The following GLIS3 variants were observed in gnomAD, a reference collection of about 807,000 sequenced individuals.
GLIS3 encodes GLIS family zinc finger 3.
A neutral mutation model predicts 78.6 loss-of-function variants in GLIS3; 53 were observed. The observed-to-expected ratio is 0.67, with a 90% CI of 0.54 to 0.85. GLIS3 has a LOEUF of 0.85. Ranked by LOEUF, GLIS3 falls within the 40% of genes least tolerant of loss-of-function variation. The pLI is 0.00. For missense variants in GLIS3, 1,703 were observed against 1,231.1 expected (o/e 1.38, Z -5.74); for synonymous variants, 684 against 509.9 (o/e 1.34, Z -4.60).
In GLIS3 at chr9:4,116,466, T is replaced by G. The variant is rs1299920953; in HGVS notation, c.1710+1302A>C. On this transcript the variant is annotated intron_variant, in intron 4 of 10. Transcript: ENST00000381971. The stretch of plus-strand genomic sequence containing the variant: ...GTTTTCCTTGAGAAAAATCACAATG[T>G]GGTGCATAGCGTTGTGACAAGAAAT... Among the ~76,000 whole-genome samples, 3 of 152,378 alleles carry G rather than the reference T, an allele frequency of 2.0e-5. No individual in the cohort carries two copies. In the East Asian group the frequency reaches 5.8e-4, roughly 29 times the overall value.
Position 4,051,629 on chromosome 9 carries a change from A to G in GLIS3, c.1710+66139T>C, listed in dbSNP as rs183502663. Among the ~76,000 whole-genome samples, 37 of 152,334 alleles carry G rather than the reference A, an allele frequency of 2.4e-4. 1 individual carries two copies. Among genetic ancestry groups the G allele is most frequent in the Admixed American group, 1.6e-3 (24 of 15,288 alleles). On this transcript the variant is annotated intron_variant, in intron 4 of 10. Coordinates refer to ENST00000381971, the MANE Select transcript of GLIS3 (RefSeq NM_001042413.2). The stretch of plus-strand genomic sequence containing the variant: ...AGACTTGAGAAACTAAATGCATATT[A>G]TTTGAAAACTGAGTTTTGTTTGTTT...
chr9:4,167,627 A>C (rs1815983865), intron 2 of GLIS3, among the ~76,000 whole-genome samples: 1 of 152,204 alleles, frequency 6.6e-6, no homozygotes, highest in South Asian at 2.1e-4. Flanking sequence ...GAGGATTAGA[A>C]AGATTAAAAA....
At chr9:4,062,257 A>G (rs1826717023) in intron 4 of GLIS3, among the ~76,000 whole-genome samples, 1 of 152,190 alleles carries the variant, frequency 6.6e-6, no homozygotes, top group East Asian at 1.9e-4. Flanking sequence ...TCATAATGAA[A>G]ATCTTCATGA....
At chr9:4,419,729 G>T in the GLIS3 span, among the ~76,000 whole-genome samples, 3 of 152,042 alleles carry the variant, frequency 2.0e-5, no homozygotes, top group African/African-American at 7.2e-5. Flanking sequence ...GCAGTGAGCC[G>T]AGATCACGCC....
At chr9:3,896,884 G>T (rs566403140) in intron 7 of GLIS3, among the ~76,000 whole-genome samples, 5 of 152,198 alleles carry the variant, frequency 3.3e-5, no homozygotes, top group African/African-American at 1.2e-4. Flanking sequence ...ACCACAGCCG[G>T]AGGCTCTAAT....
At chr9:4,259,269 A>ATTTC in intron 2 of GLIS3, among the ~76,000 whole-genome samples, 1 of 151,830 alleles carries the variant, frequency 6.6e-6, no homozygotes, top group African/African-American at 2.4e-5. Flanking sequence ...TTATTTATTT[A>ATTTC]TTTATATTTT....
chr9:3,992,141 G>C (rs546486000), intron 4 of GLIS3, among the ~76,000 whole-genome samples: 1 of 152,318 alleles, frequency 6.6e-6, no homozygotes, highest in South Asian at 2.1e-4. Context: ...TCCTGTCACA[G>C]TCACAACAAA....
intron 2 of GLIS3, among the ~76,000 whole-genome samples, chr9:4,257,066 T>C (rs930087686): frequency 1.3e-5 from 2 of 152,132 alleles, no homozygotes; most frequent in African/African-American, 4.8e-5. Context: ...TATGTGTACA[T>C]ATGTATGTGT....
At chr9:4,252,996 G>C (rs1563836164) in intron 2 of GLIS3, among the ~76,000 whole-genome samples, 1 of 152,180 alleles carries the variant, frequency 6.6e-6, no homozygotes, top group Non-Finnish European at 1.5e-5. Context: ...CTTCATTCCA[G>C]GGGGGCACCT....
rs368094176 is a variant in GLIS3 at position 4,152,851 on chromosome 9, T to C, written c.389-26910A>G. On this transcript the variant is annotated intron_variant, in intron 2 of 10. Transcript: ENST00000381971. ...TAATATGAAGAAAACTACCTGTTTC[T>C]GAAGACCTAAATAAACATAGATATG... Among the ~76,000 whole-genome samples, 225 of 152,350 alleles carry C rather than the reference T, an allele frequency of 1.5e-3. 2 individuals are homozygous for C. The highest frequency in any genetic ancestry group is 4.9e-3 in the African/African-American group (204 of 41,582).
intron 8 of GLIS3, among the ~76,000 whole-genome samples, chr9:3,867,071 C>G (rs555399237): frequency 6.6e-6 from 1 of 152,328 alleles, no homozygotes; most frequent in East Asian, 1.9e-4. Context: ...AGGGAAGAAT[C>G]TGAGTTGACT....
At chr9:4,066,295 T>C (rs1253351289) in intron 4 of GLIS3, among the ~76,000 whole-genome samples, 2 of 152,178 alleles carry the variant, frequency 1.3e-5, no homozygotes, top group African/African-American at 4.8e-5. Flanking sequence ...CTGACCTCAC[T>C]AGGGTTTCCA....
the GLIS3 span, among the ~76,000 whole-genome samples, chr9:4,483,592 C>G: frequency 2.6e-5 from 4 of 151,866 alleles, no homozygotes; most frequent in Non-Finnish European, 5.9e-5. Flanking sequence ...TGGTGGTGCA[C>G]GCCTGTAATC....
At chr9:4,435,180 T>A in the GLIS3 span, among the ~76,000 whole-genome samples, 1 of 152,272 alleles carries the variant, frequency 6.6e-6, no homozygotes, top group East Asian at 1.9e-4. Context: ...TCTCAATGAC[T>A]GCATGCTTGG....
chr9:3,993,462 AT>A (rs1324167066), intron 4 of GLIS3, among the ~76,000 whole-genome samples: 1 of 152,320 alleles, frequency 6.6e-6, no homozygotes, highest in East Asian at 1.9e-4. Flanking sequence ...CATATAGACA[AT>A]TTAGAAATAT....
intron 2 of GLIS3, among the ~76,000 whole-genome samples, chr9:4,174,994 A>C (rs1816694055): frequency 6.6e-6 from 1 of 152,228 alleles, no homozygotes. Flanking sequence ...GGAAGGGATC[A>C]GAGTGTACTT....
intron 2 of GLIS3, among the ~76,000 whole-genome samples, chr9:4,185,784 C>CT (rs1817732970): frequency 6.6e-6 from 1 of 152,132 alleles, no homozygotes; most frequent in Non-Finnish European, 1.5e-5. Flanking sequence ...ATGAATCGCC[C>CT]TCCCTCACTC....
intron 2 of GLIS3, among the ~76,000 whole-genome samples, chr9:4,209,163 C>CT (rs1820153198): frequency 6.6e-6 from 1 of 152,162 alleles, no homozygotes; most frequent in Non-Finnish European, 1.5e-5. Context: ...TGGAGACCCC[C>CT]TGATCTAACC....
At chr9:4,271,558 G>T (rs899528767) in intron 2 of GLIS3, among the ~76,000 whole-genome samples, 13 of 152,182 alleles carry the variant, frequency 8.5e-5, no homozygotes, top group African/African-American at 3.1e-4. Context: ...CTAGGAAAAA[G>T]CAGCATAAGC....
Sources: allele counts gnomAD v4.1 joint callset (sites outside exome capture counted in the v4.1 genomes callset), GRCh38; gene constraint gnomAD v4.1.1; transcripts MANE v1.5; gene names NCBI Gene and HGNC (gene_info 2026-07-23, HGNC 2026-07-21).